Variants in SUMF1 observed in about 807,000 individuals in gnomAD.
SUMF1 encodes the protein formylglycine-generating enzyme.
SUMF1 carries 48 observed loss-of-function variants against 47.6 expected under a neutral mutation model. The ratio of observed to expected loss-of-function variants is 1.01; its 90% CI spans 0.80 to 1.28. The LOEUF is 1.28. Ranked by LOEUF, SUMF1 falls within the 50% of genes most tolerant of loss-of-function variation. SUMF1 has a pLI of 0.00. For synonymous variants in SUMF1, 230 were observed against 192.1 expected (o/e 1.20, Z -1.63); for missense variants, 571 against 485.4 (o/e 1.18, Z -1.66).
intron 8 of SUMF1, among the ~76,000 whole-genome samples, chr3:4,147,476 G>A (rs966896522): frequency 6.6e-6 from 1 of 152,080 alleles, no homozygotes; most frequent in African/African-American, 2.4e-5. Context: ...TTATAGGTGA[G>A]AAATCTGAAT....
intron 8 of SUMF1, among the ~76,000 whole-genome samples, chr3:4,353,059 C>A (rs1699538788): frequency 6.6e-6 from 1 of 152,058 alleles, no homozygotes; most frequent in Admixed American, 6.6e-5. Flanking sequence ...CATTGAGGAC[C>A]CCACAGAATT....
At chr3:4,353,543 C>A (rs1163088076) in intron 8 of SUMF1, among the ~76,000 whole-genome samples, 1 of 152,178 alleles carries the variant, frequency 6.6e-6, no homozygotes, top group South Asian at 2.1e-4. Flanking sequence ...TGAGTCACTG[C>A]GCCCGGCCTA....
At chr3:4,150,429 G>C (rs917349765) in intron 8 of SUMF1, among the ~76,000 whole-genome samples, 2 of 151,184 alleles carry the variant, frequency 1.3e-5, no homozygotes, top group African/African-American at 2.5e-5. Context: ...AGGTGTAGAG[G>C]CAGGTGCCTG....
intron 8 of SUMF1, among the ~76,000 whole-genome samples, chr3:4,271,987 ATC>A (rs925925002): frequency 6.6e-6 from 1 of 152,128 alleles, no homozygotes; most frequent in African/African-American, 2.4e-5. Context: ...AGTGCTGGGA[ATC>A]TCTGTCATAA....
At chr3:4,116,307 CG>C (rs1693423070) in intron 8 of SUMF1, among the ~76,000 whole-genome samples, 1 of 152,082 alleles carries the variant, frequency 6.6e-6, no homozygotes, top group South Asian at 2.1e-4. Flanking sequence ...GTTCAAGAAA[CG>C]CAAGTAAGAA....
intron 8 of SUMF1, among the ~76,000 whole-genome samples, chr3:4,279,561 T>C (rs1697486992): frequency 6.6e-6 from 1 of 151,966 alleles, no homozygotes; most frequent in South Asian, 2.1e-4. Context: ...ATCCAACTTA[T>C]ATGAGAACCA....
At chr3:4,382,336 G>GCACACACACAC (rs143701343) in intron 7 of SUMF1, among the ~76,000 whole-genome samples, 12,626 of 149,352 alleles carry the variant, frequency 0.085, 873 homozygotes, top group African/African-American at 0.19. Context: ...ACACATACAT[G>GCACACACACAC]CACACACACA....
rs1702263425 is a variant in SUMF1 at position 4,432,477 on chromosome 3, T to C, written c.520-12331A>G. ...AACACCTTTGAGGCCTACAAAGCTC[T>C]ATGTAATCCAACCCTGCCTACTTCT... On this transcript the variant is annotated intron_variant, in intron 3 of 8. Transcript: ENST00000272902. Among the ~76,000 whole-genome samples the C allele has an allele frequency of 2.0e-5, 3 of 152,216 alleles. No individual in the cohort carries two copies. In the South Asian group the frequency reaches 6.2e-4, roughly 32 times the overall value.
chr3:4,106,161 C>A (rs1349346310), intron 8 of SUMF1, among the ~76,000 whole-genome samples: 1 of 151,990 alleles, frequency 6.6e-6, no homozygotes, highest in Non-Finnish European at 1.5e-5. Context: ...GTTCCCGTGG[C>A]ATTGCTGGGC....
In SUMF1 at chr3:4,287,380, ATT is replaced by A. The variant is rs201556106; in HGVS notation, c.1014+88948_1014+88949del. Among the ~76,000 whole-genome samples, 925 of 150,412 alleles carry A rather than the reference ATT, an allele frequency of 6.1e-3. 13 individuals carry two copies. The highest frequency in any genetic ancestry group is 0.022 in the African/African-American group (891 of 40,666). ...ATAAACATTTATTTTCCAAATAGCC[ATT>A]TAGAAGAATAATGAACATAAATTGT... On this transcript the variant is annotated intron_variant and NMD_transcript_variant, in intron 8 of 12. Coordinates refer to the SUMF1 transcript ENST00000448413.
chr3:4,099,868 A>C (rs1273091012), intron 8 of SUMF1, among the ~76,000 whole-genome samples: 1 of 151,996 alleles, frequency 6.6e-6, no homozygotes, highest in East Asian at 1.9e-4. Flanking sequence ...AGCATCAAAA[A>C]AAATACATAG....
chr3:4,037,454 CAA>C (rs1485640350), intron 9 of SUMF1, among the ~76,000 whole-genome samples: 1 of 152,122 alleles, frequency 6.6e-6, no homozygotes, highest in Admixed American at 6.6e-5. Flanking sequence ...GCCAATATAA[CAA>C]GAGATGAAGG....
At chr3:4,437,969 A>G (rs1702455677) in intron 3 of SUMF1, among the ~76,000 whole-genome samples, 1 of 151,980 alleles carries the variant, frequency 6.6e-6, no homozygotes, top group African/African-American at 2.4e-5. Flanking sequence ...AAATAAAATG[A>G]AAGTGAAAAA....
At chr3:4,299,962 C>A (rs957301917) in intron 8 of SUMF1, among the ~76,000 whole-genome samples, 1 of 152,180 alleles carries the variant, frequency 6.6e-6, no homozygotes. Context: ...CATTTTGATT[C>A]TTTTCTACAT....
Position 4,273,814 on chromosome 3 carries a change from C to G in SUMF1, c.1014+102516G>C, listed in dbSNP as rs1446959039. 7.0e-4 allele frequency among the ~76,000 whole-genome samples: 12 copies of G among 17,264 alleles called. 2 individuals carry two copies. The highest frequency in any genetic ancestry group is 2.3e-3 in the African/African-American group (10 of 4,290). 11.3% of individuals were successfully genotyped at this position (17,264 alleles called of 152,430 possible). A position where few individuals can be genotyped will look rare whatever the true frequency, so the allele number is the denominator to read the frequency against. On this transcript the variant is annotated intron_variant and NMD_transcript_variant, in intron 8 of 12. Coordinates refer to the SUMF1 transcript ENST00000448413. ...GAGGGGAGGGCATGGGAGGGGAGGG[C>G]ATGGGAGGGGAGGGCATGGCAAGGG...
intron 8 of SUMF1, chr3:4,317,342 A>G (rs1698707168): frequency 1.2e-6 from 1 of 802,292 alleles, no homozygotes. Flanking sequence ...AGATTGAAAT[A>G]TAAATTAAAA....
chr3:4,320,075 TACATG>T (rs1698795006), intron 8 of SUMF1, among the ~76,000 whole-genome samples: 2 of 152,224 alleles, frequency 1.3e-5, no homozygotes, highest in African/African-American at 2.4e-5. Flanking sequence ...TGATGGTGTA[TACATG>T]ACATTGTGTA....
chr3:4,440,243 CAAAAAAAAA>C (rs758476250), intron 3 of SUMF1, among the ~76,000 whole-genome samples: 2 of 30,626 alleles, frequency 6.5e-5, no homozygotes, highest in Non-Finnish European at 1.5e-4. Flanking sequence ...GACTCTGTCT[CAAAAAAAAA>C]AAAAAAAAAA....
intron 8 of SUMF1, among the ~76,000 whole-genome samples, chr3:4,195,094 G>A (rs2125146549): frequency 6.6e-6 from 1 of 152,232 alleles, no homozygotes; most frequent in Admixed American, 6.5e-5. Flanking sequence ...GTGCTTATCT[G>A]TCTGTTCTCT....
Sources: allele counts gnomAD v4.1 joint callset (sites outside exome capture counted in the v4.1 genomes callset), GRCh38; gene constraint gnomAD v4.1.1; transcripts MANE v1.5; gene names NCBI Gene and HGNC (gene_info 2026-07-23, HGNC 2026-07-21).